GSE1: variants seen among roughly 807,000 people sequenced by gnomAD.
GSE1 encodes the protein Gse1 coiled-coil protein.
GSE1 carries 32 observed loss-of-function variants against 112.6 expected under a neutral mutation model. The observed-to-expected ratio is 0.28, with a 90% CI of 0.21 to 0.38. GSE1 has a LOEUF of 0.38. Ranked by LOEUF, GSE1 falls within the 10% of genes least tolerant of loss-of-function variation. GSE1 has a pLI of 1.00. For synonymous variants in GSE1, 1,115 were observed against 735.6 expected (o/e 1.52, Z -8.35); for missense variants, 2,348 against 1,699.2 (o/e 1.38, Z -6.71).
intron 2 of GSE1, among the ~76,000 whole-genome samples, chr16:85,484,117 T>C (rs759768127): frequency 1.3e-5 from 2 of 152,230 alleles, no homozygotes; most frequent in African/African-American, 2.4e-5. Flanking sequence ...CCCGGACCAG[T>C]TATGCCGTGC....
intron 2 of GSE1, among the ~76,000 whole-genome samples, chr16:85,424,792 C>T (rs1451044090): frequency 1.3e-5 from 2 of 152,274 alleles, no homozygotes; most frequent in Admixed American, 6.5e-5. Context: ...ACCCCCTCTG[C>T]GTGGCATGGC....
intron 1 of GSE1, among the ~76,000 whole-genome samples, chr16:85,347,066 T>C (rs1178518141): frequency 6.6e-6 from 1 of 152,080 alleles, no homozygotes; most frequent in African/African-American, 2.4e-5. Flanking sequence ...GTTGGCGGGA[T>C]AAGTGTGGTG....
intron 1 of GSE1, among the ~76,000 whole-genome samples, chr16:85,581,556 C>T (rs1288365266): frequency 6.6e-6 from 1 of 152,176 alleles, no homozygotes; most frequent in Non-Finnish European, 1.5e-5. Context: ...AGGCAGGACC[C>T]TGGAGAGCCT....
At chr16:85,177,115 A>G (rs1034385854) in intron 1 of GSE1, among the ~76,000 whole-genome samples, 1 of 152,186 alleles carries the variant, frequency 6.6e-6, no homozygotes, top group Non-Finnish European at 1.5e-5. Flanking sequence ...GTCGGAGAAA[A>G]CCAGGGGAAG....
intron 2 of GSE1, among the ~76,000 whole-genome samples, chr16:85,447,265 C>G (rs576385225): frequency 1.4e-4 from 21 of 152,292 alleles, no homozygotes; most frequent in Middle Eastern, 3.4e-3. Flanking sequence ...AGGATTCTTT[C>G]TTGGACCACT....
intron 1 of GSE1, among the ~76,000 whole-genome samples, chr16:85,586,588 A>G (rs1344627021): frequency 6.6e-6 from 1 of 152,214 alleles, no homozygotes; most frequent in Non-Finnish European, 1.5e-5. Flanking sequence ...CCGCATGGCC[A>G]AGAGTCGCAG....
intron 2 of GSE1, among the ~76,000 whole-genome samples, chr16:85,384,854 T>C (rs527461638): frequency 2.0e-5 from 3 of 152,284 alleles, no homozygotes; most frequent in East Asian, 3.9e-4. Flanking sequence ...AGCAGGCCTG[T>C]CCGAGTCTTG....
intron 1 of GSE1, among the ~76,000 whole-genome samples, chr16:85,571,116 G>A (rs921089410): frequency 2.0e-5 from 3 of 152,166 alleles, no homozygotes; most frequent in Admixed American, 1.3e-4. Flanking sequence ...GGGGAGGTTC[G>A]GATTCAGCGG....
intron 1 of GSE1, among the ~76,000 whole-genome samples, chr16:85,352,116 C>T (rs55804302): frequency 0.24 from 35,946 of 152,104 alleles, 4,594 homozygotes; most frequent in South Asian, 0.43. Flanking sequence ...TACACACATA[C>T]AGTCTTCCTC....
rs2052727700 is a variant in GSE1, at chr16:85,665,065, T to C, written c.2695T>C (p.Ser899Pro). 2.5e-6 allele frequency: 4 copies of C among 1,613,028 alleles called. No homozygotes were observed. In the Admixed American group the frequency reaches 6.7e-5, roughly 27 times the overall value. The change falls in exon 12 of 16, where the codon TCA becomes CCA. Residue 899 changes from serine (S) to proline (P), a missense_variant. Transcript: ENST00000253458. ...CCGTGCCATGAAGCAGAAGGCACTG[T>C]CAGCAGCAGTGGCCGACTCCTTGAC... is the stretch of plus-strand genomic sequence containing the variant. ...MLRAMKQKAL[S>P]AAVADSLTNS...
chr16:85,229,015 C>T (rs564010706), intron 1 of GSE1, among the ~76,000 whole-genome samples: 4 of 152,248 alleles, frequency 2.6e-5, no homozygotes, highest in African/African-American at 7.2e-5. Flanking sequence ...TGGACGTCCA[C>T]GCTGGGCCCG....
At chr16:85,584,159 G>A (rs1484649856) in intron 1 of GSE1, among the ~76,000 whole-genome samples, 3 of 146,460 alleles carry the variant, frequency 2.0e-5, no homozygotes, top group South Asian at 2.1e-4. Flanking sequence ...GTGCCGGTGC[G>A]TGGGCCCCTG....
At chr16:85,306,547 C>CT (rs936247435) in intron 1 of GSE1, among the ~76,000 whole-genome samples, 2 of 152,172 alleles carry the variant, frequency 1.3e-5, no homozygotes, top group East Asian at 3.9e-4. Flanking sequence ...ACTTTCTAGC[C>CT]TTTTTTTAAA....
intron 2 of GSE1, among the ~76,000 whole-genome samples, chr16:85,486,777 G>C (rs1034603468): frequency 6.6e-6 from 1 of 152,106 alleles, no homozygotes. Flanking sequence ...GGTTCCCCCA[G>C]CCCCCCGTTC....
chr16:85,399,349 G>A (rs939815378), intron 2 of GSE1, among the ~76,000 whole-genome samples: 13 of 152,100 alleles, frequency 8.5e-5, no homozygotes, highest in Admixed American at 3.3e-4. Flanking sequence ...GTGGGCTTCC[G>A]GGGGGGTTCA....
At chr16:85,324,011 G>A (rs1043221648) in intron 1 of GSE1, among the ~76,000 whole-genome samples, 4 of 152,306 alleles carry the variant, frequency 2.6e-5, no homozygotes, top group South Asian at 2.1e-4. Context: ...CCAAGGTCTC[G>A]CTGCACACCC....
chr16:85,224,341 CAG>C (rs921370640), intron 1 of GSE1, among the ~76,000 whole-genome samples: 26 of 109,534 alleles, frequency 2.4e-4, no homozygotes, highest in South Asian at 1.2e-3. Context: ...AGGGAACACA[CAG>C]GGGCGGATTC....
chr16:85,612,592 G>A (rs2048064914), upstream of GSE1, among the ~76,000 whole-genome samples: 1 of 150,586 alleles, frequency 6.6e-6, no homozygotes, highest in Admixed American at 6.6e-5. Context: ...CCGCAATTGT[G>A]GCCTTCCCAA....
chr16:85,227,110 C>A (rs1026265834), intron 1 of GSE1, among the ~76,000 whole-genome samples: 7 of 151,658 alleles, frequency 4.6e-5, no homozygotes, highest in African/African-American at 1.7e-4. Flanking sequence ...TTCATCCATC[C>A]ATCCATCCAT....
Sources: gnomAD v4.1 joint callset for allele counts (sites outside exome capture counted in the v4.1 genomes callset) on GRCh38, gnomAD v4.1.1 for gene constraint, MANE v1.5 for transcripts, NCBI Gene and HGNC (gene_info 2026-07-23, HGNC 2026-07-21) for gene names.